CADM2: variants seen among roughly 807,000 people sequenced by gnomAD.
CADM2 encodes cell adhesion molecule 2.
A neutral mutation model predicts 49.8 loss-of-function variants in CADM2; 12 were observed. The ratio of observed to expected loss-of-function variants is 0.24; its 90% confidence interval spans 0.15 to 0.39. The LOEUF (loss-of-function observed/expected upper bound fraction) is 0.39, where lower values mean the gene tolerates loss of function less well. Ranked by LOEUF, CADM2 falls within the 10% of genes least tolerant of loss-of-function variation. The probability of loss-of-function intolerance (pLI) is 1.00; values close to 1 mark genes in which losing one functional copy is unlikely to be tolerated. For missense variants in CADM2, 378 were observed against 492.3 expected (o/e 0.77, Z 2.20); for synonymous variants, 214 against 175.4 (o/e 1.22, Z -1.74).
chr3:85,586,193 G>T (rs542705436), intron 1 of CADM2, among the ~76,000 whole-genome samples: 1 of 152,148 alleles, frequency 6.6e-6, no homozygotes, highest in African/African-American at 2.4e-5. Flanking sequence ...CTACAGCACG[G>T]CCTGTCTTGC....
At chr3:86,015,071 A>T (rs150798071) in intron 8 of CADM2, 587 of 670,788 alleles carry the variant, frequency 8.8e-4, no homozygotes, top group African/African-American at 7.4e-3. Flanking sequence ...AACCCTATAC[A>T]AGTAAGTCAG....
At chr3:85,897,434 TA>T (rs1279374115) in intron 5 of CADM2, among the ~76,000 whole-genome samples, 6 of 144,306 alleles carry the variant, frequency 4.2e-5, no homozygotes, top group African/African-American at 7.8e-5. Context: ...CGCGCCCGGC[TA>T]ATTTTTTGTA....
At chr3:85,375,853 G>T (rs1442142846) in intron 1 of CADM2, among the ~76,000 whole-genome samples, 1 of 151,996 alleles carries the variant, frequency 6.6e-6, no homozygotes. Flanking sequence ...AGGGTCATTT[G>T]TACAGTATAT....
Position 85,102,997 on chromosome 3 carries a change from A to G in CADM2, c.61+143329A>G, listed in dbSNP as rs562011117. ...TACAGCATACGGCTATGCACATTCT[A>G]TTGCTGGGCAACAGTGGACAGTCAT... On this transcript the variant is annotated intron_variant, in intron 1 of 9. Transcript: ENST00000383699. Among the ~76,000 whole-genome samples, 4 of 152,276 alleles carry G rather than the reference A, an allele frequency of 2.6e-5. No homozygotes were observed. In the East Asian group the frequency reaches 5.8e-4, roughly 22 times the overall value.
chr3:85,421,812 A>T (rs1344093778), intron 1 of CADM2, among the ~76,000 whole-genome samples: 1 of 152,234 alleles, frequency 6.6e-6, no homozygotes, highest in Non-Finnish European at 1.5e-5. Context: ...AAGGGCAGCA[A>T]TTACACAAGT....
intron 1 of CADM2, among the ~76,000 whole-genome samples, chr3:85,531,733 A>T (rs1385940344): frequency 6.6e-6 from 1 of 152,174 alleles, no homozygotes; most frequent in Non-Finnish European, 1.5e-5. Context: ...TATACCCATG[A>T]TCTATAAATA....
chr3:85,223,681 G>A (rs2042088657), intron 1 of CADM2, among the ~76,000 whole-genome samples: 1 of 151,974 alleles, frequency 6.6e-6, no homozygotes, highest in South Asian at 2.1e-4. Flanking sequence ...GTATACATGT[G>A]CCATGTTGGT....
chr3:85,402,253 T>C (rs1236804747), intron 1 of CADM2, among the ~76,000 whole-genome samples: 1 of 152,016 alleles, frequency 6.6e-6, no homozygotes, highest in Non-Finnish European at 1.5e-5. Flanking sequence ...TCTGTTTAGA[T>C]ATTTATACTC....
Position 85,331,374 on chromosome 3 carries a change from G to A in CADM2, c.61+371706G>A, listed in dbSNP as rs573879319. 2.6e-5 allele frequency among the ~76,000 whole-genome samples: 4 copies of A among 151,750 alleles called. No individual in the cohort carries two copies. In the East Asian group the frequency reaches 7.8e-4, roughly 30 times the overall value. On this transcript the variant is annotated intron_variant, in intron 1 of 9. Transcript: ENST00000383699. Reference sequence around the variant, plus strand: ...CTCCCACATATTAATGAGAACATGTGATATTTGTTTTTCTGTTCCTGACTT... The same window carrying A: ...CTCCCACATATTAATGAGAACATGTAATATTTGTTTTTCTGTTCCTGACTT...
intron 1 of CADM2, among the ~76,000 whole-genome samples, chr3:85,578,300 A>T (rs182681825): frequency 1.3e-5 from 2 of 152,276 alleles, no homozygotes; most frequent in African/African-American, 4.8e-5. Flanking sequence ...TTCTAAAATG[A>T]AAATCAGAAG....
intron 2 of CADM2, among the ~76,000 whole-genome samples, chr3:85,762,823 T>C (rs2069459727): frequency 6.6e-6 from 1 of 151,618 alleles, no homozygotes; most frequent in Non-Finnish European, 1.5e-5. Context: ...GATATTTGCT[T>C]TTCCCCAGTT....
chr3:85,374,637 A>G (rs1449295045), intron 1 of CADM2, among the ~76,000 whole-genome samples: 1 of 152,196 alleles, frequency 6.6e-6, no homozygotes. Context: ...AAGAGGTTTA[A>G]TGGACTCACA....
chr3:85,237,614 G>T (rs1047154821), intron 1 of CADM2, among the ~76,000 whole-genome samples: 1 of 151,346 alleles, frequency 6.6e-6, no homozygotes, highest in Non-Finnish European at 1.5e-5. Context: ...GAATTATGTT[G>T]TATGGATAGT....
intron 8 of CADM2, chr3:85,992,786 G>C (rs566264671): frequency 1.3e-5 from 2 of 152,174 alleles, no homozygotes; most frequent in Admixed American, 6.5e-5. Context: ...ATCTTGCTTT[G>C]ATGTTGATGG....
chr3:85,979,739 A>T (rs1172861060), intron 8 of CADM2, among the ~76,000 whole-genome samples: 7 of 151,606 alleles, frequency 4.6e-5, no homozygotes, highest in African/African-American at 1.7e-4. Flanking sequence ...GACATAGTCC[A>T]TGGGGTCAGT....
At chr3:85,469,440 C>T (rs2038669326) in intron 1 of CADM2, among the ~76,000 whole-genome samples, 1 of 152,088 alleles carries the variant, frequency 6.6e-6, no homozygotes, top group Admixed American at 6.6e-5. Context: ...ACACGCCATG[C>T]AGGAATGGCC....
intron 1 of CADM2, among the ~76,000 whole-genome samples, chr3:85,164,277 A>T (rs2040410789): frequency 6.6e-6 from 1 of 152,208 alleles, no homozygotes; most frequent in East Asian, 1.9e-4. Context: ...CAAGTATAAT[A>T]AAGTGTTTAG....
chr3:85,387,832 T>A (rs2034315492), intron 1 of CADM2, among the ~76,000 whole-genome samples: 1 of 152,190 alleles, frequency 6.6e-6, no homozygotes, highest in South Asian at 2.1e-4. Flanking sequence ...GATGGAAGCC[T>A]AGCTATAGCA....
intron 5 of CADM2, among the ~76,000 whole-genome samples, chr3:85,911,829 T>C (rs558977186): frequency 6.6e-6 from 1 of 152,264 alleles, no homozygotes; most frequent in South Asian, 2.1e-4. Flanking sequence ...TGTGCCTGAT[T>C]ATAAGCTAGG....
Sources: gnomAD v4.1 joint callset for allele counts (sites outside exome capture counted in the v4.1 genomes callset) on GRCh38, gnomAD v4.1.1 for gene constraint, MANE v1.5 for transcripts, NCBI Gene and HGNC (gene_info 2026-07-23, HGNC 2026-07-21) for gene names.